Variants in MICAL2 observed in about 807,000 individuals in gnomAD.
MICAL2 encodes the protein microtubule associated monooxygenase, calponin and LIM domain containing 2.
Under a neutral mutation model 127.3 loss-of-function variants are expected in MICAL2, and 77 were observed. The ratio of observed to expected loss-of-function variants is 0.60; its 90% CI spans 0.50 to 0.73. The LOEUF is 0.73. Ranked by LOEUF, MICAL2 falls within the 30% of genes least tolerant of loss-of-function variation. MICAL2 has a pLI of 0.00. For synonymous variants in MICAL2, 570 were observed against 551.1 expected, an observed-to-expected ratio of 1.03 and a Z score of -0.48; for missense variants, 1,351 against 1,434.4, an observed-to-expected ratio of 0.94 and a Z score of 0.94.
chr11:12,221,296 G>T (rs1856789421), intron 9 of MICAL2, among the ~76,000 whole-genome samples: 1 of 152,148 alleles, frequency 6.6e-6, no homozygotes, highest in African/African-American at 2.4e-5. Flanking sequence ...TTCCCAAGTA[G>T]CTCAGGATCA....
chr11:12,222,800 G>T, intron 11 of MICAL2, 57 bp downstream of exon 11: 1 of 1,599,620 alleles, frequency 6.3e-7, no homozygotes, highest in Non-Finnish European at 8.5e-7. Flanking sequence ...GTGGGAAGAG[G>T]TGGTGGGGAG....
chr11:12,134,104 T>G (rs1476906415), intron 1 of MICAL2, among the ~76,000 whole-genome samples: 1 of 152,158 alleles, frequency 6.6e-6, no homozygotes, highest in Admixed American at 6.5e-5. Flanking sequence ...TTTCTTCACC[T>G]GGAAAATGGG....
intron 31 of MICAL2, among the ~76,000 whole-genome samples, chr11:12,324,636 G>C (rs2134848402): frequency 6.6e-6 from 1 of 152,310 alleles, no homozygotes; most frequent in Middle Eastern, 3.4e-3. Context: ...ACCTCTCTGA[G>C]GAACCCAAGC....
At chr11:12,142,028 C>T in intron 2 of MICAL2, among the ~76,000 whole-genome samples, 1 of 152,176 alleles carries the variant, frequency 6.6e-6, no homozygotes, top group East Asian at 1.9e-4. Flanking sequence ...TCAAGCACAC[C>T]CATAGCGCAA....
At chr11:12,125,263 C>CT (rs1045313292) in intron 1 of MICAL2, among the ~76,000 whole-genome samples, 7 of 152,062 alleles carry the variant, frequency 4.6e-5, no homozygotes, top group African/African-American at 1.2e-4. Context: ...AGCTGTACAT[C>CT]TTTTTTTTGA....
intron 5 of MICAL2, 34 bp downstream of exon 5, chr11:12,208,173 C>G: frequency 6.7e-7 from 1 of 1,492,024 alleles, no homozygotes. Flanking sequence ...GCCTAGAAAG[C>G]AGATACTACA....
intron 3 of MICAL2, among the ~76,000 whole-genome samples, chr11:12,188,437 TGTTGGGAGAGTGGCGTG>T (rs570485489): frequency 6.9e-4 from 105 of 152,284 alleles, no homozygotes; most frequent in African/African-American, 2.4e-3. Context: ...ATTGTCATGC[TGTTGGGAGAGTGGCGTG>T]GTTGGCACGA....
chr11:12,360,083 C>G (rs556300400), downstream of MICAL2, among the ~76,000 whole-genome samples: 24 of 145,564 alleles, frequency 1.6e-4, no homozygotes, highest in South Asian at 5.1e-3. Flanking sequence ...GGTTGCAGTT[C>G]TTTTTCCTTT....
At chr11:12,217,411 G>A (rs1856312057) in intron 8 of MICAL2, among the ~76,000 whole-genome samples, 1 of 152,200 alleles carries the variant, frequency 6.6e-6, no homozygotes, top group Non-Finnish European at 1.5e-5. Context: ...TGTGAATGCG[G>A]GCTTGGTGAA....
chr11:12,238,275 C>G (rs1359048523), intron 16 of MICAL2, among the ~76,000 whole-genome samples: 1 of 152,152 alleles, frequency 6.6e-6, no homozygotes, highest in East Asian at 1.9e-4. Context: ...GGGAGGAGAT[C>G]CCGTAGTAAG....
chr11:12,119,984 TG>T (rs1018976559), intron 1 of MICAL2, among the ~76,000 whole-genome samples: 2 of 152,228 alleles, frequency 1.3e-5, no homozygotes, highest in African/African-American at 4.8e-5. Context: ...CTGTGGTCCT[TG>T]ATCAGTCTAA....
intron 22 of MICAL2, chr11:12,252,978 G>C (rs949893908): frequency 2.0e-5 from 3 of 152,166 alleles, no homozygotes; most frequent in Non-Finnish European, 4.4e-5. Flanking sequence ...CTCACTCTAC[G>C]ATCCTGGGAT....
At chr11:12,245,993 T>G (rs11608031) in intron 21 of MICAL2, among the ~76,000 whole-genome samples, 25,661 of 152,244 alleles carry the variant, frequency 0.17, 2,439 homozygotes, top group Non-Finnish European at 0.21. Context: ...TCCAGCTGAC[T>G]GGGCCCTTCA....
At chr11:12,209,887 G>C (rs1385110946) in intron 6 of MICAL2, among the ~76,000 whole-genome samples, 3 of 152,120 alleles carry the variant, frequency 2.0e-5, no homozygotes, top group African/African-American at 7.2e-5. Context: ...GAAAGGACTG[G>C]TATGTGAAAA....
At chr11:12,319,899 C>A in intron 30 of MICAL2, 1 of 937,674 alleles carries the variant, frequency 1.1e-6, no homozygotes, top group South Asian at 1.4e-5. Flanking sequence ...GCTCCAGCTG[C>A]AGTGGTTTCC....
chr11:12,331,990 G>C (rs935660881), intron 32 of MICAL2, among the ~76,000 whole-genome samples: 1 of 152,062 alleles, frequency 6.6e-6, no homozygotes, highest in East Asian at 1.9e-4. Flanking sequence ...CTAAATATTT[G>C]TAATACATGA....
upstream of MICAL2, among the ~76,000 whole-genome samples, chr11:12,271,848 G>A (rs1254364344): frequency 6.6e-6 from 1 of 152,168 alleles, no homozygotes; most frequent in Non-Finnish European, 1.5e-5. Context: ...AGAAGTCGGG[G>A]AGGAGACTGG....
intron 31 of MICAL2, among the ~76,000 whole-genome samples, chr11:12,324,713 T>C (rs1391664830): frequency 6.6e-6 from 1 of 152,210 alleles, no homozygotes; most frequent in Non-Finnish European, 1.5e-5. Context: ...GTTAATCCAG[T>C]ATACCCTCAC....
chr11:12,351,096 TTCTTA>T (rs1939036140), intron 33 of MICAL2, among the ~76,000 whole-genome samples: 1 of 152,334 alleles, frequency 6.6e-6, no homozygotes, highest in South Asian at 2.1e-4. Context: ...ATCCAGAATG[TTCTTA>T]TCTTAAGATC....
Sources: allele counts gnomAD v4.1 joint callset (sites outside exome capture counted in the v4.1 genomes callset), GRCh38; gene constraint gnomAD v4.1.1; transcripts MANE v1.5; gene names NCBI Gene and HGNC (gene_info 2026-07-23, HGNC 2026-07-21).